CNOT1: variants seen among roughly 807,000 people sequenced by gnomAD.
CNOT1 encodes CCR4-NOT transcription complex subunit 1.
CNOT1 carries 15 observed loss-of-function variants against 273.8 expected under a neutral mutation model. The ratio of observed to expected loss-of-function variants is 0.05; its 90% CI spans 0.04 to 0.08. CNOT1 has a LOEUF of 0.08. Among genes scored for constraint, CNOT1 ranks in the 10% least tolerant of loss-of-function variants. CNOT1 has a pLI of 1.00. For missense variants in CNOT1, 1,644 were observed against 2,912.2 expected, an observed-to-expected ratio of 0.56 and a Z score of 10.02; for synonymous variants, 1,022 against 1,005.5, an observed-to-expected ratio of 1.02 and a Z score of -0.31.
intron 25 of CNOT1, among the ~76,000 whole-genome samples, chr16:58,548,187 C>T (rs996038496): frequency 1.1e-4 from 17 of 152,154 alleles, no homozygotes; most frequent in Admixed American, 2.0e-4. Flanking sequence ...CTGCAGCCAA[C>T]CAAGATAACT....
Position 58,546,397 on chromosome 16 carries a change from C to T in CNOT1, c.3930G>A (p.Lys1310=). 1.2e-6 allele frequency: 2 copies of T among 1,613,948 alleles called. No individual in the cohort carries two copies. The highest frequency in any genetic ancestry group is 2.2e-5 in the South Asian group (2 of 91,068). Residue 1310 remains lysine, a synonymous_variant, in exon 29 of 49, where the codon AAG becomes AAA. Coordinates refer to ENST00000317147, the MANE Select transcript of CNOT1 (RefSeq NM_016284.5). ...GNLLKDKDRL[K]NLDEQLSAPK... Reference sequence around the variant, plus strand: ...GAGCAGAGAGTTGCTCATCTAAATTCTTCAGGCGATCTTTATCCTTTAGGA... The same window carrying T: ...GAGCAGAGAGTTGCTCATCTAAATTTTTCAGGCGATCTTTATCCTTTAGGA...
chr16:58,588,213 C>T (rs547268805), intron 3 of CNOT1, among the ~76,000 whole-genome samples: 43 of 152,126 alleles, frequency 2.8e-4, no homozygotes, highest in African/African-American at 9.6e-4. Flanking sequence ...GCAGGAGAAT[C>T]GCTTGAACCC....
chr16:58,581,538 A>T, intron 10 of CNOT1, 23 bp from the exon 11 acceptor site: 2 of 1,591,938 alleles, frequency 1.3e-6, no homozygotes, highest in Non-Finnish European at 1.7e-6. Context: ...AAAGCAGTTT[A>T]AAATGTAATG....
intron 1 of CNOT1, among the ~76,000 whole-genome samples, chr16:58,608,636 G>T (rs1435438333): frequency 7.4e-6 from 1 of 134,238 alleles, no homozygotes; most frequent in Admixed American, 7.6e-5. Context: ...CAGAAGAAAA[G>T]AAATTATTAT....
At chr16:58,539,630 A>G (rs1488915082) in intron 35 of CNOT1, 138 bp downstream of exon 35, 11 of 926,318 alleles carry the variant, frequency 1.2e-5, no homozygotes, top group Non-Finnish European at 1.4e-5. Context: ...GTTGGAAAAA[A>G]AAAAAATCAC....
chr16:58,521,064 CT>C (rs1221526278), intron 48 of CNOT1, 28 bp from the exon 49 acceptor site: 1 of 1,614,080 alleles, frequency 6.2e-7, no homozygotes. Flanking sequence ...TTACAAATCT[CT>C]GATTAAAGAG....
chr16:58,610,853 AAAAC>A (rs1053008184), intron 1 of CNOT1, among the ~76,000 whole-genome samples: 4 of 151,318 alleles, frequency 2.6e-5, no homozygotes, highest in African/African-American at 4.9e-5. Flanking sequence ...AAAAAAACAT[AAAAC>A]AAACAAAACA....
intron 39 of CNOT1, among the ~76,000 whole-genome samples, chr16:58,535,490 G>A (rs1049658145): frequency 3.9e-5 from 6 of 152,112 alleles, no homozygotes; most frequent in Non-Finnish European, 8.8e-5. Flanking sequence ...TGAAATGAGA[G>A]CAAATAAGCC....
rs1414770375 is a variant in CNOT1 at position 58,528,428 on chromosome 16, C to A, written c.6453+47G>T. ...AACAGTCTACTTATCAGAGAAAGGA[C>A]TGAAATATTAAGACATAAGTTTTCC... On this transcript the variant is annotated intron_variant, in intron 44 of 48. Transcript: ENST00000317147. 3 of 1,375,314 alleles carry A rather than the reference C, an allele frequency of 2.2e-6. No homozygotes were observed. The East Asian group carries it at 6.8e-5, about 31-fold the overall frequency. 85.2% of individuals were successfully genotyped at this position (1,375,314 alleles called of 1,614,324 possible).
chr16:58,603,408 A>AGTGTGTGTGTGTGT (rs200088613), intron 1 of CNOT1, among the ~76,000 whole-genome samples: 13 of 96,648 alleles, frequency 1.3e-4, no homozygotes, highest in Non-Finnish European at 2.9e-4. Flanking sequence ...ACAATTTAAA[A>AGTGTGTGTGTGTGT]GTGTGTGTGT....
In CNOT1 at chr16:58,534,339, C is replaced by A; in HGVS notation, c.5703G>T (p.Leu1901=). The A allele has an allele frequency of 1.2e-6, 2 of 1,614,176 alleles. No homozygotes were observed. The highest frequency in any genetic ancestry group is 1.7e-6 in the Non-Finnish European group (2 of 1,180,032). ...TGATTTCAACACACATTTCAGTACA[C>A]AGACGAAAGAACCTTGTTATGAGAT... ...TDDLITRFFR[L]CTEMCVEISY... Residue 1901 remains leucine, a synonymous_variant, in exon 40 of 49, where the codon CTG becomes CTT. Transcript: ENST00000317147.
intron 1 of CNOT1, among the ~76,000 whole-genome samples, chr16:58,612,235 A>G (rs2042927045): frequency 6.6e-6 from 1 of 152,198 alleles, no homozygotes; most frequent in South Asian, 2.1e-4. Context: ...GCACCTTAAG[A>G]AGACAAGTAG....
Position 58,551,711 on chromosome 16 carries a change from G to A in CNOT1, c.3079C>T (p.Pro1027Ser). ...LAQAQAQAQV[P>S]AKAPLAGQVS... ...TGACCAGCAAGAGGAGCTTTTGCTG[G>A]AACCTGGGCCTGAGCCTGGGCCTGA... The change falls in exon 23 of 49, where the codon CCA becomes TCA. Residue 1027 changes from proline (P) to serine (S), a missense_variant. Pro to Ser is a moderately conservative substitution (Grantham distance 74). Transcript: ENST00000317147. 6.2e-7 allele frequency: 1 copy of A among 1,614,166 alleles called. No homozygotes were observed. Among genetic ancestry groups the A allele is most frequent in the Non-Finnish European group, 8.5e-7 (1 of 1,180,028 alleles).
At chr16:58,572,598 T>A (rs1288900860) in intron 16 of CNOT1, among the ~76,000 whole-genome samples, 1 of 149,274 alleles carries the variant, frequency 6.7e-6, no homozygotes, top group Non-Finnish European at 1.5e-5. Flanking sequence ...CTGGGTGACA[T>A]ACACACACAC....
intron 13 of CNOT1, among the ~76,000 whole-genome samples, chr16:58,577,071 T>G (rs952114043): frequency 7.1e-6 from 1 of 140,298 alleles, no homozygotes; most frequent in Non-Finnish European, 1.5e-5. Context: ...CAAGAATCTT[T>G]GATTTTTTTA....
chr16:58,563,962 A>G (rs1447219218), intron 16 of CNOT1, among the ~76,000 whole-genome samples: 1 of 152,208 alleles, frequency 6.6e-6, no homozygotes, highest in Non-Finnish European at 1.5e-5. Context: ...AACAATGCAA[A>G]TTTCCACCAG....
chr16:58,528,787 A>C (rs1324583205), intron 43 of CNOT1, 139 bp from the exon 44 acceptor site: 26 of 581,786 alleles, frequency 4.5e-5, no homozygotes, highest in Non-Finnish European at 1.8e-5. Flanking sequence ...TTTAGGCTTT[A>C]ATTAACATTA....
At chr16:58,568,685 T>TA (rs1237402475) in intron 16 of CNOT1, among the ~76,000 whole-genome samples, 1 of 151,608 alleles carries the variant, frequency 6.6e-6, no homozygotes, top group Non-Finnish European at 1.5e-5. Context: ...GTCTCGATTT[T>TA]AAAAAAAAGA....
intron 24 of CNOT1, among the ~76,000 whole-genome samples, chr16:58,550,335 T>TA (rs1426224293): frequency 2.0e-5 from 3 of 152,192 alleles, no homozygotes; most frequent in Admixed American, 6.5e-5. Flanking sequence ...TTGAACTACA[T>TA]AGAGTAAAAT....
Sources: allele counts gnomAD v4.1 joint callset (sites outside exome capture counted in the v4.1 genomes callset), GRCh38; gene constraint gnomAD v4.1.1; transcripts MANE v1.5; gene names NCBI Gene and HGNC (gene_info 2026-07-23, HGNC 2026-07-21).